PPP2R5C: variants seen among roughly 807,000 people sequenced by gnomAD.
The protein encoded by PPP2R5C is serine/threonine-protein phosphatase 2A 56 kDa regulatory subunit gamma isoform.
Under a neutral mutation model 68.9 loss-of-function variants are expected in PPP2R5C, and 7 were observed. That is an observed-to-expected ratio of 0.10 (90% confidence interval 0.06 to 0.19). The LOEUF is 0.19. PPP2R5C is among the 10% of genes least tolerant of loss of function. The pLI, the probability that PPP2R5C is intolerant of heterozygous loss-of-function variation, is 1.00. For synonymous variants in PPP2R5C, 210 were observed against 222.2 expected (o/e 0.95, Z 0.49); for missense variants, 348 against 641.3 (o/e 0.54, Z 4.94).
At chr14:101,864,643 C>G (rs1387765471) in intron 2 of PPP2R5C, among the ~76,000 whole-genome samples, 1 of 152,086 alleles carries the variant, frequency 6.6e-6, no homozygotes, top group Non-Finnish European at 1.5e-5. Context: ...CTAGCTGGCT[C>G]AGTGAAAGCA....
Position 101,916,164 on chromosome 14 carries a change from G to A in PPP2R5C, c.1327-1667G>A, listed in dbSNP as rs1029388206. ...CTTGCATTTTTGCAAGCTCTTTGGC[G>A]CAGCATGGATGGAGTGCTGGGGCTG... On this transcript the variant is annotated intron_variant, in intron 12 of 13. Transcript: ENST00000334743. This position sits in a 1 kb window ranked among gnomAD's most constrained non-coding sequence, Gnocchi z 5.5. 6.6e-6 allele frequency among the ~76,000 whole-genome samples: 1 copy of A among 152,216 alleles called. No homozygotes were observed. Among genetic ancestry groups the A allele is most frequent in the Non-Finnish European group, 1.5e-5 (1 of 68,032 alleles).
chr14:101,924,154 C>G (rs1159504159), intron 13 of PPP2R5C, among the ~76,000 whole-genome samples: 2 of 152,154 alleles, frequency 1.3e-5, no homozygotes, highest in Non-Finnish European at 2.9e-5. Context: ...AACACAGTGT[C>G]TCTACTTTTA....
chr14:101,816,089 A>G (rs1252737438), intron 1 of PPP2R5C, among the ~76,000 whole-genome samples: 2 of 152,244 alleles, frequency 1.3e-5, no homozygotes, highest in African/African-American at 4.8e-5. Context: ...AATGAAAAAC[A>G]TATAGGAGAT....
chr14:101,794,263 G>A (rs1287698127), intron 3 of PPP2R5C, among the ~76,000 whole-genome samples: 1 of 152,148 alleles, frequency 6.6e-6, no homozygotes, highest in Admixed American at 6.5e-5. Flanking sequence ...CACTGAAAAT[G>A]TTGATTTCTA....
intron 1 of PPP2R5C, chr14:101,831,949 A>G (rs2040771379): frequency 3.7e-6 from 2 of 543,104 alleles, no homozygotes; most frequent in East Asian, 5.7e-5. Flanking sequence ...GGCAAAACTT[A>G]AAAAAGAACC....
intron 2 of PPP2R5C, among the ~76,000 whole-genome samples, chr14:101,862,816 A>ATTTT (rs71116853): frequency 1.6e-5 from 2 of 127,236 alleles, no homozygotes; most frequent in Non-Finnish European, 3.3e-5. Flanking sequence ...GACATGATGG[A>ATTTT]TTTTTTTTTT....
chr14:101,763,740 G>A (rs1355496670), intron 2 of PPP2R5C, among the ~76,000 whole-genome samples: 1 of 152,110 alleles, frequency 6.6e-6, no homozygotes. Flanking sequence ...CTCCTGTATA[G>A]ATTGGTCTTA....
intron 9 of PPP2R5C, among the ~76,000 whole-genome samples, chr14:101,902,933 T>C (rs2045783628): frequency 6.6e-6 from 1 of 151,800 alleles, no homozygotes; most frequent in South Asian, 2.1e-4. Flanking sequence ...GTCTCTTCCA[T>C]ACAAATATTC....
chr14:101,811,733 T>A (rs1228798244), intron 1 of PPP2R5C, among the ~76,000 whole-genome samples: 1 of 152,242 alleles, frequency 6.6e-6, no homozygotes, highest in Admixed American at 6.5e-5. Context: ...TATCCACTTA[T>A]AAATAACATA....
chr14:101,775,952 G>A (rs1595128226), intron 2 of PPP2R5C, among the ~76,000 whole-genome samples: 3 of 152,032 alleles, frequency 2.0e-5, no homozygotes, highest in African/African-American at 4.8e-5. Context: ...GGGAGGGAAC[G>A]ACTTCCTCTT....
intron 9 of PPP2R5C, among the ~76,000 whole-genome samples, chr14:101,903,335 G>A (rs1347456566): frequency 6.6e-6 from 1 of 152,244 alleles, no homozygotes; most frequent in Non-Finnish European, 1.5e-5. Flanking sequence ...ACAGGGCAAG[G>A]AGGAAGGGAA....
chr14:101,847,058 A>G (rs1230529250), intron 1 of PPP2R5C, among the ~76,000 whole-genome samples: 1 of 152,188 alleles, frequency 6.6e-6, no homozygotes, highest in Non-Finnish European at 1.5e-5. Context: ...CGTTATTTTG[A>G]TATAAATATA....
intron 11 of PPP2R5C, 106 bp from the exon 14 acceptor site, chr14:101,912,295 C>T (rs989588170): frequency 3.3e-5 from 29 of 881,054 alleles, no homozygotes; most frequent in Middle Eastern, 2.4e-4. Context: ...AGGGGGGCTG[C>T]GGGAGGAGCC....
chr14:101,799,302 G>A (rs541151994), intron 3 of PPP2R5C, among the ~76,000 whole-genome samples: 16 of 152,292 alleles, frequency 1.1e-4, no homozygotes, highest in Admixed American at 2.0e-4. Context: ...ATTTTGCTCT[G>A]ATGGCCGGAG....
rs371875044 is a variant in PPP2R5C at position 101,762,861 on chromosome 14, C to G, written c.28-44C>G. ...TTTGGCTTATCTGATGTTTACCTGTCTAAAAAGTGAGAAGACTAATTGACT... is the reference window on the plus strand; with the variant it reads ...TTTGGCTTATCTGATGTTTACCTGTGTAAAAAGTGAGAAGACTAATTGACT... On this transcript the variant is annotated intron_variant, in intron 1 of 14. Transcript: ENST00000328724. 75 of 1,514,978 alleles carry G rather than the reference C, an allele frequency of 5.0e-5. No individual in the cohort carries two copies. The African/African-American group carries it at 6.3e-4, about 13-fold the overall frequency. 93.8% of individuals were successfully genotyped at this position (1,514,978 alleles called of 1,614,324 possible). A position where few individuals can be genotyped will look rare whatever the true frequency, so the allele number is the denominator to read the frequency against.
At chr14:101,851,703 C>G (rs2140515330) in intron 1 of PPP2R5C, among the ~76,000 whole-genome samples, 1 of 152,148 alleles carries the variant, frequency 6.6e-6, no homozygotes, top group East Asian at 1.9e-4. Context: ...GCAGAAAGTC[C>G]TGGTTCTGCT....
intron 1 of PPP2R5C, among the ~76,000 whole-genome samples, chr14:101,841,846 C>T (rs944390774): frequency 6.6e-6 from 1 of 152,152 alleles, no homozygotes; most frequent in African/African-American, 2.4e-5. Context: ...TCGTGCAGTC[C>T]CTCACAGGCT....
chr14:101,783,881 G>A (rs1298779551), intron 2 of PPP2R5C, among the ~76,000 whole-genome samples: 8 of 152,218 alleles, frequency 5.3e-5, no homozygotes, highest in Admixed American at 5.2e-4. Context: ...CCTAGGAGCA[G>A]CTCCTCCAGA....
At chr14:101,859,668 C>T (rs1219509954) in intron 2 of PPP2R5C, among the ~76,000 whole-genome samples, 1 of 152,144 alleles carries the variant, frequency 6.6e-6, no homozygotes, top group Admixed American at 6.5e-5. Context: ...TTGTGACCCT[C>T]TTGTCAAGAA....
Sources: gnomAD v4.1 joint callset for allele counts (sites outside exome capture counted in the v4.1 genomes callset) on GRCh38, gnomAD v4.1.1 for gene constraint, Gnocchi (gnomAD v3.1) non-coding constraint, MANE v1.5 for transcripts, NCBI Gene and HGNC (gene_info 2026-07-23, HGNC 2026-07-21) for gene names.